The following CC2D2A variants were observed in gnomAD, a reference collection of about 807,000 sequenced individuals.
CC2D2A encodes the protein coiled-coil and C2 domain-containing protein 2A.
In CC2D2A, 155 loss-of-function variants were observed where a neutral mutation model predicts 212.9. The observed-to-expected ratio is 0.73, with a 90% CI of 0.64 to 0.83. The LOEUF is 0.83. Among genes scored for constraint, CC2D2A ranks in the 40% least tolerant of loss-of-function variants. The pLI is 0.00. For synonymous variants in CC2D2A, 667 were observed against 686.5 expected (o/e 0.97, Z 0.44); for missense variants, 1,856 against 1,956.2 (o/e 0.95, Z 0.97).
chr4:15,569,457 C>A, intron 27 of CC2D2A, 68 bp downstream of exon 27: 1 of 888,664 alleles, frequency 1.1e-6, no homozygotes, highest in Non-Finnish European at 1.8e-6. Flanking sequence ...ACATAAGTTC[C>A]AATCACATTG....
At chr4:15,507,667 C>T (rs1397716398) in intron 6 of CC2D2A, among the ~76,000 whole-genome samples, 2 of 152,172 alleles carry the variant, frequency 1.3e-5, no homozygotes, top group Non-Finnish European at 2.9e-5. Flanking sequence ...AAGATAATTA[C>T]GTACCCTTCA....
chr4:15,554,653 C>T (rs893377064), intron 19 of CC2D2A, among the ~76,000 whole-genome samples: 2 of 152,188 alleles, frequency 1.3e-5, no homozygotes, highest in Admixed American at 6.5e-5. Flanking sequence ...TCTAGCCTGG[C>T]CGACAGAGCA....
intron 4 of CC2D2A, chr4:15,492,610 G>A: frequency 2.3e-6 from 1 of 427,356 alleles, no homozygotes; most frequent in Non-Finnish European, 4.5e-6. Flanking sequence ...TGGAAATTGT[G>A]AGGAGGGGAG....
chr4:15,478,643 T>TG, intron 2 of CC2D2A, 80 bp from the exon 3 acceptor site: 1 of 1,024,222 alleles, frequency 9.8e-7, no homozygotes, highest in East Asian at 2.6e-5. Flanking sequence ...AGGGTCAAGA[T>TG]GGGAGTTTTA....
At chr4:15,494,424 A>G (rs1397361197) in intron 4 of CC2D2A, among the ~76,000 whole-genome samples, 1 of 152,260 alleles carries the variant, frequency 6.6e-6, no homozygotes, top group Non-Finnish European at 1.5e-5. Flanking sequence ...TAGTGACCAG[A>G]GAAGTCCCTC....
chr4:15,559,356 G>A, intron 22 of CC2D2A, 99 bp downstream of exon 22: 2 of 718,778 alleles, frequency 2.8e-6, no homozygotes, highest in East Asian at 2.8e-5. Flanking sequence ...GTGAGCTTAT[G>A]CAAGCCACTT....
chr4:15,528,747 G>A (rs1342409536), intron 13 of CC2D2A, 21 bp downstream of exon 13: 3 of 1,543,990 alleles, frequency 1.9e-6, no homozygotes, highest in South Asian at 2.3e-5. Flanking sequence ...TTTGTTAAGT[G>A]TAACTACTTT....
intron 30 of CC2D2A, among the ~76,000 whole-genome samples, chr4:15,584,649 G>C (rs1720787409): frequency 6.6e-6 from 1 of 151,916 alleles, no homozygotes; most frequent in East Asian, 1.9e-4. Context: ...AGACAAATGA[G>C]ATTACATCAA....
intron 28 of CC2D2A, 42 bp from the exon 29 acceptor site, chr4:15,574,108 A>G (rs1205365448): frequency 6.8e-7 from 1 of 1,464,540 alleles, no homozygotes; most frequent in Non-Finnish European, 9.2e-7. Context: ...CTTCTGTTGG[A>G]AAAAGCATCA....
intron 13 of CC2D2A, among the ~76,000 whole-genome samples, chr4:15,529,343 T>C (rs968104594): frequency 7.9e-5 from 12 of 151,524 alleles, no homozygotes; most frequent in Non-Finnish European, 1.8e-4. Flanking sequence ...GATTGCACCA[T>C]TGCACTCCAG....
intron 23 of CC2D2A, among the ~76,000 whole-genome samples, chr4:15,561,977 G>A (rs1216226815): frequency 6.6e-6 from 1 of 152,130 alleles, no homozygotes; most frequent in African/African-American, 2.4e-5. Flanking sequence ...TGAAATACAG[G>A]GTAAATATTA....
intron 4 of CC2D2A, among the ~76,000 whole-genome samples, chr4:15,483,648 A>G (rs1035416726): frequency 3.3e-5 from 5 of 152,218 alleles, no homozygotes; most frequent in Non-Finnish European, 2.9e-5. Context: ...GAAATCTATT[A>G]TATTACATTA....
At position 15,533,238 on chromosome 4, in the gene CC2D2A, A is replaced by G; in HGVS notation, c.1512A>G (p.Thr504=). The change falls in exon 14 of 37, where the codon ACA becomes ACG. Residue 504 remains threonine, a synonymous_variant. Transcript: ENST00000424120. ...FRDAEQEKDR[T]LLKTIIKVWK... ...ATGCTGAACAAGAAAAAGATAGAACATTGCTTAAGACTATCATAAAAGTTT... is the reference window on the plus strand; with the variant it reads ...ATGCTGAACAAGAAAAAGATAGAACGTTGCTTAAGACTATCATAAAAGTTT... 2 of 1,598,054 alleles carry G rather than the reference A, an allele frequency of 1.3e-6. No individual in the cohort carries two copies. Among genetic ancestry groups the G allele is most frequent in the Non-Finnish European group, 1.7e-6 (2 of 1,175,444 alleles).
At chr4:15,484,922 T>C (rs1714914726) in intron 4 of CC2D2A, among the ~76,000 whole-genome samples, 1 of 152,156 alleles carries the variant, frequency 6.6e-6, no homozygotes, top group Non-Finnish European at 1.5e-5. Flanking sequence ...CTTTCCCACC[T>C]CTGCCCTCTT....
At chr4:15,486,403 A>G (rs1715002268) in intron 4 of CC2D2A, among the ~76,000 whole-genome samples, 3 of 152,030 alleles carry the variant, frequency 2.0e-5, no homozygotes, top group Admixed American at 2.0e-4. Context: ...ATATGTCTAG[A>G]AATTTATCCA....
chr4:15,486,694 T>C (rs1279160152), intron 4 of CC2D2A, among the ~76,000 whole-genome samples: 1 of 152,036 alleles, frequency 6.6e-6, no homozygotes, highest in Non-Finnish European at 1.5e-5. Flanking sequence ...TCTACTAATT[T>C]CGAGTTTTGA....
Position 15,527,526 on chromosome 4 carries a change from T to C in CC2D2A, c.1229T>C (p.Ile410Thr), listed in dbSNP as rs1477642319. ...GGAAATTTCCAACTGGACATTGATA[T>C]TTCAGGGTTAATCTTCACTCATCAT... Reference protein sequence around the residue: ...PPGNFQLDIDISGLIFTHHPC... With the variant: ...PPGNFQLDIDTSGLIFTHHPC... Residue 410 changes from isoleucine to threonine, a missense_variant, in exon 12 of 37, where the codon ATT becomes ACT. Around this residue, in one of 5 missense-constraint regions of CC2D2A, gnomAD observed 1,512 missense variants for 1,579.3 expected, o/e 0.96. Coordinates refer to ENST00000424120, the MANE Select transcript of CC2D2A (RefSeq NM_001378615.1). 4 of 1,613,494 alleles carry C rather than the reference T, an allele frequency of 2.5e-6. No homozygotes were observed. Among genetic ancestry groups the C allele is most frequent in the Non-Finnish European group, 3.4e-6 (4 of 1,179,662 alleles).
At chr4:15,533,910 T>C (rs1185077962) in intron 14 of CC2D2A, among the ~76,000 whole-genome samples, 1 of 152,232 alleles carries the variant, frequency 6.6e-6, no homozygotes, top group African/African-American at 2.4e-5. Flanking sequence ...CATTTCAACT[T>C]TACATTGCTG....
At chr4:15,475,712 G>A (rs1364355609) in intron 1 of CC2D2A, among the ~76,000 whole-genome samples, 1 of 152,154 alleles carries the variant, frequency 6.6e-6, no homozygotes, top group African/African-American at 2.4e-5. Context: ...GGCTCCCAGG[G>A]ACAGGGAGAC....
Sources: allele counts gnomAD v4.1 joint callset (sites outside exome capture counted in the v4.1 genomes callset), GRCh38; gene constraint gnomAD v4.1.1; regional missense constraint gnomAD v4.1.1; transcripts MANE v1.5; gene names NCBI Gene and HGNC (gene_info 2026-07-23, HGNC 2026-07-21).